Variants in FRRS1 observed in about 807,000 individuals in gnomAD.
The protein encoded by FRRS1 is ferric chelate reductase 1, also known as ferric reductase 1.
In FRRS1, 51 loss-of-function variants were observed where a neutral mutation model predicts 70.7. The observed-to-expected ratio is 0.72, with a 90% CI of 0.58 to 0.91. The LOEUF is 0.91. FRRS1 is among the 40% of genes least tolerant of loss of function. The pLI is 0.00. For synonymous variants in FRRS1, 225 were observed against 238.7 expected (o/e 0.94, Z 0.53); for missense variants, 672 against 726.0 (o/e 0.93, Z 0.86).
intron 14 of FRRS1, 71 bp downstream of exon 14, chr1:99,712,034 A>T: frequency 9.3e-7 from 1 of 1,074,004 alleles, no homozygotes; most frequent in Non-Finnish European, 1.4e-6. Flanking sequence ...AAAATCATTT[A>T]AGCCAAATTA....
chr1:99,709,190 G>T lies in FRRS1; in HGVS notation c.1686+8C>A. Reference sequence around the variant, plus strand: ...AGGTTTGTGTCAATGAACAAGAAAAGGACTTACCTCTGTTTCCACTGCAGT... The same window carrying T: ...AGGTTTGTGTCAATGAACAAGAAAATGACTTACCTCTGTTTCCACTGCAGT... On this transcript the variant is annotated splice_region_variant and intron_variant, in intron 16 of 16. Transcript: ENST00000646001. 6.2e-7 allele frequency: 1 copy of T among 1,609,004 alleles called. No individual in the cohort carries two copies. Among genetic ancestry groups the T allele is most frequent in the Non-Finnish European group, 8.5e-7 (1 of 1,175,696 alleles).
At chr1:99,765,596 C>G (rs1657315976) in intron 1 of FRRS1, 1 of 148,950 alleles carries the variant, frequency 6.7e-6, no homozygotes, top group Admixed American at 6.7e-5. Flanking sequence ...AGCAACACTC[C>G]GTCTCGAAAA....
chr1:99,733,473 G>A (rs1481658439), intron 7 of FRRS1, among the ~76,000 whole-genome samples: 1 of 152,192 alleles, frequency 6.6e-6, no homozygotes, highest in East Asian at 1.9e-4. Flanking sequence ...AGTATGAATG[G>A]AGAACATCTT....
At chr1:99,763,475 T>TGAAG (rs1657205852) in intron 1 of FRRS1, among the ~76,000 whole-genome samples, 2 of 152,206 alleles carry the variant, frequency 1.3e-5, no homozygotes, top group South Asian at 4.1e-4. Flanking sequence ...AGCACTCTCA[T>TGAAG]ACACAGGGAC....
At chr1:99,712,624 A>G in intron 12 of FRRS1, 109 bp from the exon 13 acceptor site, 2 of 582,814 alleles carry the variant, frequency 3.4e-6, no homozygotes, top group Non-Finnish European at 6.1e-6. Context: ...CCATGGCTTT[A>G]AAGATTCAAT....
At chr1:99,739,799 G>A (rs1345918845) in intron 6 of FRRS1, among the ~76,000 whole-genome samples, 1 of 152,000 alleles carries the variant, frequency 6.6e-6, no homozygotes, top group East Asian at 1.9e-4. Context: ...TAAGTAATTT[G>A]CCCAAAGACA....
intron 7 of FRRS1, among the ~76,000 whole-genome samples, chr1:99,736,605 T>C (rs907961555): frequency 7.3e-5 from 8 of 110,090 alleles, no homozygotes; most frequent in Admixed American, 9.3e-5. Context: ...GACATCACAC[T>C]CCGGGGACTG....
intron 1 of FRRS1, among the ~76,000 whole-genome samples, chr1:99,749,508 T>C (rs1188128688): frequency 6.6e-6 from 1 of 152,232 alleles, no homozygotes; most frequent in South Asian, 2.1e-4. Flanking sequence ...GATTTAAATA[T>C]CATCACCTGA....
In FRRS1 at chr1:99,742,286, G is replaced by A. The variant is rs369459776; in HGVS notation, c.334-13C>T. On this transcript the variant is annotated splice_polypyrimidine_tract_variant and intron_variant, in intron 4 of 16. Coordinates refer to ENST00000646001, the MANE Select transcript of FRRS1 (RefSeq NM_001361041.2). ...TCACTGCTGATCCCTGAAATAAAAG[G>A]GAAAAGAGCTACCATTCAGTCACTC... 1.8e-5 allele frequency: 27 copies of A among 1,520,040 alleles called. No homozygotes were observed. The African/African-American group carries it at 2.9e-4, about 16-fold the overall frequency. 94.2% of individuals were successfully genotyped at this position (1,520,040 alleles called of 1,614,324 possible). A position where few individuals can be genotyped will look rare whatever the true frequency, so the allele number is the denominator to read the frequency against.
At chr1:99,712,754 T>C (rs1654332019) in intron 12 of FRRS1, among the ~76,000 whole-genome samples, 1 of 152,162 alleles carries the variant, frequency 6.6e-6, no homozygotes, top group East Asian at 1.9e-4. Context: ...AATATCCCAA[T>C]TTTACAAATG....
chr1:99,752,639 G>T (rs1461397738), intron 1 of FRRS1, among the ~76,000 whole-genome samples: 2 of 152,194 alleles, frequency 1.3e-5, no homozygotes, highest in Admixed American at 6.5e-5. Context: ...GGCCAAGCGT[G>T]GTGGCTCACA....
chr1:99,712,471 C>A lies in FRRS1; in HGVS notation c.1368G>T (p.Leu456Phe). Residue 456 changes from leucine to phenylalanine, a missense_variant, in exon 13 of 17, where the codon TTG becomes TTT. By Grantham distance (22) the Leu-to-Phe change is conservative (BLOSUM62 0). Transcript: ENST00000646001. ...CTGCCAGAAGAGGCTGAAGAACTGC[C>A]AAAGTCATCACTATACAGCCGAGGT... is the stretch of plus-strand genomic sequence containing the variant. ...HPYLGCIVMT[L>F]AVLQPLLAVF... 6.2e-7 allele frequency: 1 copy of A among 1,613,358 alleles called. No individual in the cohort carries two copies. The highest frequency in any genetic ancestry group is 1.1e-5 in the South Asian group (1 of 90,928).
chr1:99,750,442 T>C (rs901430168), intron 1 of FRRS1, among the ~76,000 whole-genome samples: 3 of 152,204 alleles, frequency 2.0e-5, no homozygotes, highest in East Asian at 1.9e-4. Flanking sequence ...GTTGGAATTA[T>C]TAGACCAGGA....
At chr1:99,715,811 G>C in intron 11 of FRRS1, 139 bp from the exon 12 acceptor site, 1 of 505,232 alleles carries the variant, frequency 2.0e-6, no homozygotes, top group Non-Finnish European at 3.7e-6. Flanking sequence ...ATCACAGTTT[G>C]TAGCCAGGTT....
Position 99,715,194 on chromosome 1 carries a change from C to A in FRRS1, c.1323+392G>T, listed in dbSNP as rs773846616. Among the ~76,000 whole-genome samples the A allele has an allele frequency of 5.9e-5, 9 of 152,128 alleles. 1 individual carries two copies. The highest frequency in any genetic ancestry group is 3.3e-4 in the Admixed American group (5 of 15,266). On this transcript the variant is annotated intron_variant, in intron 12 of 16. Coordinates refer to ENST00000646001, the MANE Select transcript of FRRS1 (RefSeq NM_001361041.2). The stretch of plus-strand genomic sequence containing the variant: ...TAGATAACACATATAAAGCACTTAG[C>A]ACCGCTGGGTACTGAGTAGAAATCC...
At position 99,758,113 on chromosome 1, in the gene FRRS1, G is replaced by A. The variant is rs914251327; in HGVS notation, c.-106+8494C>T. ...GACAAAATGAGCAGGTAGGGGAATA[G>A]TCAAGTATGCATTGGCTTATGCTCA... On this transcript the variant is annotated intron_variant, in intron 1 of 16. Coordinates refer to ENST00000646001, the MANE Select transcript of FRRS1 (RefSeq NM_001361041.2). 3.9e-5 allele frequency among the ~76,000 whole-genome samples: 6 copies of A among 152,222 alleles called. No homozygotes were observed. The East Asian group carries it at 1.2e-3, about 29-fold the overall frequency.
At chr1:99,735,499 CA>C (rs537330770) in intron 7 of FRRS1, among the ~76,000 whole-genome samples, 12 of 152,130 alleles carry the variant, frequency 7.9e-5, no homozygotes, top group African/African-American at 1.2e-4. Flanking sequence ...TAGCAGGTCA[CA>C]AAAATACCTG....
chr1:99,741,557 T>G (rs116330167), intron 5 of FRRS1, among the ~76,000 whole-genome samples: 24 of 152,214 alleles, frequency 1.6e-4, no homozygotes, highest in African/African-American at 5.8e-4. Context: ...TCCCCTTGTA[T>G]GTAGGATAAG....
At chr1:99,763,968 A>G (rs1016562341) in intron 1 of FRRS1, among the ~76,000 whole-genome samples, 4 of 152,224 alleles carry the variant, frequency 2.6e-5, no homozygotes, top group Non-Finnish European at 5.9e-5. Flanking sequence ...ATGTTGGATA[A>G]TTTAAGTGGT....
Sources: allele counts gnomAD v4.1 joint callset (sites outside exome capture counted in the v4.1 genomes callset), GRCh38; gene constraint gnomAD v4.1.1; transcripts MANE v1.5; gene names NCBI Gene and HGNC (gene_info 2026-07-23, HGNC 2026-07-21).